Variants in SLC24A2 observed in about 807,000 individuals in gnomAD.
SLC24A2 encodes solute carrier family 24 member 2.
SLC24A2 carries 36 observed loss-of-function variants against 62.0 expected under a neutral mutation model. The observed-to-expected ratio is 0.58, with a 90% CI of 0.44 to 0.77. The LOEUF is 0.77. Ranked by LOEUF, SLC24A2 falls within the 30% of genes least tolerant of loss-of-function variation. SLC24A2 has a pLI of 0.00. For missense variants in SLC24A2, 846 were observed against 817.9 expected, an observed-to-expected ratio of 1.03 and a Z score of -0.42; for synonymous variants, 358 against 294.0, an observed-to-expected ratio of 1.22 and a Z score of -2.23.
At position 19,643,003 on chromosome 9, in the gene SLC24A2, T is replaced by G. The variant is rs368564875; in HGVS notation, c.931-20704A>C. ...CCAGTATTCTTTTTTTTTTTTTTTT[T>G]TTTTTAACATATCTGAATGAATTCA... On this transcript the variant is annotated intron_variant, in intron 2 of 10. Coordinates refer to ENST00000341998, the MANE Select transcript of SLC24A2 (RefSeq NM_020344.4). 7.7e-3 allele frequency among the ~76,000 whole-genome samples: 1,167 copies of G among 150,620 alleles called. 14 individuals carry two copies. Among genetic ancestry groups the G allele is most frequent in the South Asian group, 0.041 (197 of 4,768 alleles).
chr9:20,307,560 C>G, the SLC24A2 span, among the ~76,000 whole-genome samples: 2 of 152,196 alleles, frequency 1.3e-5, no homozygotes, highest in Non-Finnish European at 2.9e-5. Flanking sequence ...TTGTGAGAAA[C>G]TCCTAAACTC....
At chr9:20,169,160 T>C in the SLC24A2 span, among the ~76,000 whole-genome samples, 549 of 152,070 alleles carry the variant, frequency 3.6e-3, 3 homozygotes, top group African/African-American at 0.012. Flanking sequence ...AATTCATAGA[T>C]AGACAAAGTA....
intron 2 of SLC24A2, among the ~76,000 whole-genome samples, chr9:19,751,638 A>G (rs921654399): frequency 6.6e-6 from 1 of 152,162 alleles, no homozygotes; most frequent in Admixed American, 6.5e-5. Flanking sequence ...AGACATGGGG[A>G]GTAGAGAGTT....
the SLC24A2 span, among the ~76,000 whole-genome samples, chr9:20,002,926 A>G: frequency 3.3e-5 from 5 of 152,084 alleles, no homozygotes; most frequent in African/African-American, 9.7e-5. Context: ...TACAACCAAT[A>G]CATTCACAAA....
chr9:20,110,945 CT>C, the SLC24A2 span, among the ~76,000 whole-genome samples: 1 of 152,126 alleles, frequency 6.6e-6, no homozygotes, highest in East Asian at 1.9e-4. Flanking sequence ...ATTGGCAGCA[CT>C]TTTTTTCTTG....
chr9:20,193,677 A>T, the SLC24A2 span, among the ~76,000 whole-genome samples: 1 of 152,098 alleles, frequency 6.6e-6, no homozygotes, highest in Non-Finnish European at 1.5e-5. Flanking sequence ...TAGGATGTTG[A>T]TTTTTAAAAT....
chr9:19,883,766 T>C, the SLC24A2 span, among the ~76,000 whole-genome samples: 2,135 of 152,154 alleles, frequency 0.014, 30 homozygotes, highest in South Asian at 0.024. Context: ...GGGGTTTCAC[T>C]GTGTTAGCCA....
the SLC24A2 span, among the ~76,000 whole-genome samples, chr9:20,064,721 C>G: frequency 1.3e-5 from 2 of 152,146 alleles, no homozygotes; most frequent in African/African-American, 2.4e-5. Flanking sequence ...TCTTGGCCAA[C>G]TGACATCTCA....
chr9:19,570,023 G>C (rs900667068), intron 7 of SLC24A2, among the ~76,000 whole-genome samples: 2 of 152,136 alleles, frequency 1.3e-5, no homozygotes, highest in Non-Finnish European at 2.9e-5. Flanking sequence ...TTTGTTCATG[G>C]CCTTTGGGGC....
chr9:20,294,233 A>G, the SLC24A2 span, among the ~76,000 whole-genome samples: 379 of 151,748 alleles, frequency 2.5e-3, no homozygotes, highest in Non-Finnish European at 3.5e-3. Flanking sequence ...TCTCCCATGG[A>G]CCCTCTTTCC....
chr9:19,565,277 C>A (rs1769794623), intron 7 of SLC24A2, among the ~76,000 whole-genome samples: 1 of 150,476 alleles, frequency 6.6e-6, no homozygotes, highest in Non-Finnish European at 1.5e-5. Flanking sequence ...TCTCAGGATA[C>A]AAAATCAATG....
rs554199485 is a variant in SLC24A2, at chr9:19,698,213, C to G, written c.931-75914G>C. On this transcript the variant is annotated intron_variant, in intron 2 of 10. Transcript: ENST00000341998. ...ACATGATGCCATAGATGAAAAATTC[C>G]ACACCTGACCTCATGTGACAGTTCT... Among the ~76,000 whole-genome samples the G allele has an allele frequency of 2.0e-5, 3 of 152,164 alleles. No homozygotes were observed. The South Asian group carries it at 6.2e-4, about 32-fold the overall frequency.
chr9:20,035,851 T>C, the SLC24A2 span, among the ~76,000 whole-genome samples: 5 of 152,214 alleles, frequency 3.3e-5, no homozygotes, highest in Admixed American at 3.3e-4. Context: ...TCCAATTTCA[T>C]GTCAAAACCA....
At chr9:19,861,527 A>G in the SLC24A2 span, among the ~76,000 whole-genome samples, 1 of 152,182 alleles carries the variant, frequency 6.6e-6, no homozygotes, top group South Asian at 2.1e-4. Context: ...CAATCCCCAG[A>G]CACAGATGAA....
At chr9:20,017,612 G>A in the SLC24A2 span, among the ~76,000 whole-genome samples, 11 of 152,102 alleles carry the variant, frequency 7.2e-5, no homozygotes, top group African/African-American at 1.7e-4. Flanking sequence ...AAGCCAGTGC[G>A]AGCCCCAAAA....
intron 7 of SLC24A2, among the ~76,000 whole-genome samples, chr9:19,556,532 C>G (rs1167592356): frequency 6.6e-6 from 1 of 152,140 alleles, no homozygotes; most frequent in Admixed American, 6.5e-5. Context: ...CTGGTAATAA[C>G]ATCTCATCAC....
the SLC24A2 span, among the ~76,000 whole-genome samples, chr9:19,831,258 A>C: frequency 6.6e-6 from 1 of 152,214 alleles, no homozygotes; most frequent in East Asian, 1.9e-4. Flanking sequence ...AGCTAGATTA[A>C]GTACCTTATG....
At chr9:19,700,045 G>C (rs1028894446) in intron 2 of SLC24A2, among the ~76,000 whole-genome samples, 2 of 152,172 alleles carry the variant, frequency 1.3e-5, no homozygotes, top group African/African-American at 2.4e-5. Context: ...TGTGGCAATT[G>C]ACGTCTGCCT....
the SLC24A2 span, among the ~76,000 whole-genome samples, chr9:19,863,378 T>C: frequency 3.9e-5 from 6 of 152,026 alleles, no homozygotes; most frequent in Non-Finnish European, 7.4e-5. Flanking sequence ...ATCTGTACTC[T>C]AGACCAAATG....
Sources: allele counts gnomAD v4.1 joint callset (sites outside exome capture counted in the v4.1 genomes callset), GRCh38; gene constraint gnomAD v4.1.1; transcripts MANE v1.5; gene names NCBI Gene and HGNC (gene_info 2026-07-23, HGNC 2026-07-21).